Variants in TIAM1 observed in about 807,000 individuals in gnomAD.
TIAM1 encodes the protein TIAM Rac1 associated GEF 1.
In TIAM1, 65 loss-of-function variants were observed where a neutral mutation model predicts 163.5. The observed-to-expected ratio is 0.40, with a 90% CI of 0.33 to 0.49. TIAM1 has a LOEUF of 0.49. TIAM1 is among the 20% of genes least tolerant of loss of function. The pLI is 0.77. For missense variants in TIAM1, 1,789 were observed against 2,044.7 expected, an observed-to-expected ratio of 0.87 and a Z score of 2.41; for synonymous variants, 833 against 810.1, an observed-to-expected ratio of 1.03 and a Z score of -0.48.
At chr21:31,545,373 C>T (rs1383972576) in intron 1 of TIAM1, among the ~76,000 whole-genome samples, 1 of 152,194 alleles carries the variant, frequency 6.6e-6, no homozygotes, top group African/African-American at 2.4e-5. Context: ...GCCTCCAGTT[C>T]TGTGAAAGAA....
At chr21:31,480,344 T>C (rs1284605521) in intron 1 of TIAM1, among the ~76,000 whole-genome samples, 1 of 152,214 alleles carries the variant, frequency 6.6e-6, no homozygotes, top group Non-Finnish European at 1.5e-5. Flanking sequence ...CTCAATGACA[T>C]CCACATGTCA....
rs540590280 is a variant in TIAM1 at position 31,446,869 on chromosome 21, A to T, written c.-369+17114T>A. 1.3e-3 allele frequency among the ~76,000 whole-genome samples: 203 copies of T among 152,348 alleles called. 1 individual carries two copies. Among genetic ancestry groups the T allele is most frequent in the African/African-American group, 4.6e-3 (192 of 41,568 alleles). ...GTAAAAGCAAAACAGTAAAGTTCAC[A>T]TAGAAATACTTTATTCATCTTAAAG... On this transcript the variant is annotated intron_variant, in intron 2 of 28. Transcript: ENST00000286827.
rs10523425 is a variant in TIAM1 at position 31,482,060 on chromosome 21, AGT to A, written c.-421-18027_-421-18026del. Reference sequence around the variant, plus strand: ...AACTGTGTGCCAGGAACTGGGACAAAGTGTGTGTGTGTGTGTGTGTGTGTGTG... The same window carrying A: ...AACTGTGTGCCAGGAACTGGGACAAAGTGTGTGTGTGTGTGTGTGTGTGTG... On this transcript the variant is annotated intron_variant, in intron 1 of 28. Transcript: ENST00000286827. 3.2e-3 allele frequency among the ~76,000 whole-genome samples: 463 copies of A among 145,700 alleles called. 2 individuals carry two copies. The highest frequency in any genetic ancestry group is 4.9e-3 in the African/African-American group (190 of 38,626).
Position 31,433,192 on chromosome 21 carries a change from A to C in TIAM1, c.-369+30791T>G, listed in dbSNP as rs548339732. Among the ~76,000 whole-genome samples the C allele has an allele frequency of 5.9e-5, 9 of 152,330 alleles. No homozygotes were observed. In the East Asian group the frequency reaches 1.7e-3, roughly 29 times the overall value. ...CTCTTCAGAGCAGGGGAGTCACCCA[A>C]GCCTTCCTAGATTTGATCCTAGCCT... On this transcript the variant is annotated intron_variant, in intron 2 of 28. Coordinates refer to the TIAM1 transcript ENST00000286827.
At chr21:31,388,259 A>ACACACACACACACAC (rs1555964695) in intron 2 of TIAM1, among the ~76,000 whole-genome samples, 2,024 of 98,106 alleles carry the variant, frequency 0.021, 53 homozygotes, top group African/African-American at 0.039. Flanking sequence ...ACACACACAC[A>ACACACACACACACAC]ACCTCTTACG....
intron 1 of TIAM1, among the ~76,000 whole-genome samples, chr21:31,480,137 C>T (rs1473362981): frequency 2.6e-5 from 4 of 152,216 alleles, no homozygotes; most frequent in African/African-American, 9.6e-5. Context: ...GTTTTAGCTG[C>T]AAGGCAGAGC....
intron 1 of TIAM1, among the ~76,000 whole-genome samples, chr21:31,524,059 T>A (rs1243250409): frequency 6.6e-6 from 1 of 151,310 alleles, no homozygotes; most frequent in Non-Finnish European, 1.5e-5. Flanking sequence ...GCAGGGGTGA[T>A]AATTACCAAT....
At chr21:31,253,290 G>A (rs951465249) in intron 4 of TIAM1, among the ~76,000 whole-genome samples, 1 of 152,198 alleles carries the variant, frequency 6.6e-6, no homozygotes, top group African/African-American at 2.4e-5. Context: ...CAGTTTGGCA[G>A]TTTCACCAAT....
At chr21:31,510,733 G>C (rs765107165) in intron 1 of TIAM1, among the ~76,000 whole-genome samples, 3 of 151,648 alleles carry the variant, frequency 2.0e-5, no homozygotes, top group Non-Finnish European at 4.4e-5. Flanking sequence ...AGAATTGCTT[G>C]AACCCAGGAG....
intron 2 of TIAM1, among the ~76,000 whole-genome samples, chr21:31,368,619 G>A (rs1258098737): frequency 6.6e-6 from 1 of 152,180 alleles, no homozygotes; most frequent in Non-Finnish European, 1.5e-5. Context: ...TGCGTGAACA[G>A]ATCCCAAAAG....
Position 31,154,408 on chromosome 21 carries a change from C to G in TIAM1, c.3010G>C (p.Ala1004Pro), listed in dbSNP as rs375192468. ...HSSKSTEQVA[A>P]FCRSLHEMNP... ...ATCTCATGCAAACTGCGGCAAAATG[C>G]GGCCACCTGTTCTGTACTCTTCGGA... The change falls in exon 17 of 28, where the codon GCA (alanine) becomes CCA (proline). Residue 1004 changes from alanine (A) to proline (P), a missense_variant. Ala to Pro is a conservative substitution (Grantham distance 27). Transcript: ENST00000541036. 6.2e-7 allele frequency: 1 copy of G among 1,613,902 alleles called. No homozygotes were observed. The highest frequency in any genetic ancestry group is 1.1e-5 in the South Asian group (1 of 91,060).
At chr21:31,307,303 T>C (rs2074749880) in intron 2 of TIAM1, among the ~76,000 whole-genome samples, 1 of 152,202 alleles carries the variant, frequency 6.6e-6, no homozygotes, top group Admixed American at 6.5e-5. Flanking sequence ...AGCCAGCAGG[T>C]TGTGCAAATT....
intron 1 of TIAM1, 93 bp from the exon 2 acceptor site, chr21:31,339,515 A>G (rs2075953134): frequency 2.5e-6 from 1 of 397,570 alleles, no homozygotes; most frequent in African/African-American, 2.1e-5. Context: ...CATTAACGTG[A>G]TAACACAGGA....
chr21:31,189,664 A>G (rs2246927), intron 13 of TIAM1, among the ~76,000 whole-genome samples: 12,272 of 152,140 alleles, frequency 0.081, 675 homozygotes, highest in Admixed American at 0.19. Context: ...TAGGGGTCAA[A>G]CAGGAGCCCC....
intron 2 of TIAM1, among the ~76,000 whole-genome samples, chr21:31,405,463 C>A (rs778975432): frequency 1.3e-5 from 2 of 152,090 alleles, no homozygotes; most frequent in Non-Finnish European, 2.9e-5. Flanking sequence ...CCCGAGCCCA[C>A]TTCCCCTGTA....
chr21:31,244,570 C>CA (rs1334077167), intron 6 of TIAM1, among the ~76,000 whole-genome samples: 3 of 152,104 alleles, frequency 2.0e-5, no homozygotes, highest in Admixed American at 2.0e-4. Flanking sequence ...ACTGAAAATA[C>CA]AAAAATTAGC....
At chr21:31,202,325 G>A (rs1316379740) in intron 12 of TIAM1, among the ~76,000 whole-genome samples, 1 of 151,854 alleles carries the variant, frequency 6.6e-6, no homozygotes, top group African/African-American at 2.4e-5. Context: ...ACTGAGGTGG[G>A]AGGATCACTT....
chr21:31,283,839 T>A (rs2073678984), intron 2 of TIAM1, among the ~76,000 whole-genome samples: 2 of 151,970 alleles, frequency 1.3e-5, no homozygotes, highest in African/African-American at 4.8e-5. Context: ...ACCGCGCCCA[T>A]CCCCTTTTCC....
In TIAM1 at chr21:31,360,730, T is replaced by C. The variant is rs892909847; in HGVS notation, c.-368-21308A>G. On this transcript the variant is annotated intron_variant, in intron 2 of 28. Transcript: ENST00000286827. ...AATAAGAAAAACATCAACTACCAAA[T>C]AAAAAATGACAAGTGACATTTGTCA... 3.9e-5 allele frequency among the ~76,000 whole-genome samples: 6 copies of C among 152,144 alleles called. No homozygotes were observed. In the East Asian group the frequency reaches 1.2e-3, roughly 29 times the overall value.
Sources: allele counts gnomAD v4.1 joint callset (sites outside exome capture counted in the v4.1 genomes callset), GRCh38; gene constraint gnomAD v4.1.1; transcripts MANE v1.5; gene names NCBI Gene and HGNC (gene_info 2026-07-23, HGNC 2026-07-21).